Variants in NALF1 observed in about 807,000 individuals in gnomAD.
NALF1 encodes NALCN channel auxiliary factor 1.
A neutral mutation model predicts 48.4 loss-of-function variants in NALF1; 3 were observed. That is an observed-to-expected ratio of 0.06 (90% CI 0.03 to 0.16). The LOEUF (loss-of-function observed/expected upper bound fraction) is 0.16. Ranked by LOEUF, NALF1 falls within the 10% of genes least tolerant of loss-of-function variation. The pLI is 1.00. For synonymous variants in NALF1, 262 were observed against 245.7 expected, an observed-to-expected ratio of 1.07 and a Z score of -0.62; for missense variants, 526 against 571.5, an observed-to-expected ratio of 0.92 and a Z score of 0.81.
At chr13:107,535,017 T>C (rs1489413964) in intron 1 of NALF1, among the ~76,000 whole-genome samples, 4 of 152,172 alleles carry the variant, frequency 2.6e-5, no homozygotes, top group Non-Finnish European at 5.9e-5. Context: ...ATGCTTGTGA[T>C]TTTTGCACAT....
At chr13:107,402,883 G>A (rs1005826503) in intron 1 of NALF1, among the ~76,000 whole-genome samples, 5 of 152,116 alleles carry the variant, frequency 3.3e-5, no homozygotes, top group African/African-American at 1.2e-4. Flanking sequence ...GATAATCAAT[G>A]ACTTTTAGGA....
intron 1 of NALF1, among the ~76,000 whole-genome samples, chr13:107,586,635 A>ATATTTTTTTTTTTTT (rs1878464742): frequency 1.1e-5 from 1 of 93,122 alleles, no homozygotes; most frequent in Non-Finnish European, 2.0e-5. Flanking sequence ...CCCTATGGAG[A>ATATTTTTTTTTTTTT]TTTTTTTTTT....
At chr13:107,452,539 C>T (rs1162830086) in intron 1 of NALF1, among the ~76,000 whole-genome samples, 2 of 152,130 alleles carry the variant, frequency 1.3e-5, no homozygotes, top group African/African-American at 2.4e-5. Flanking sequence ...GATTAAATTA[C>T]CTCCACCTGG....
chr13:107,531,162 G>A lies in NALF1; in HGVS notation c.916-320407C>T, dbSNP rs191009248. The A allele has an allele frequency of 5.4e-4, 90 of 167,656 alleles. 1 individual carries two copies. The South Asian group carries it at 9.6e-3, about 18-fold the overall frequency. 10.4% of individuals were successfully genotyped at this position (167,656 alleles called of 1,614,324 possible). ...AAGTTCTTGACCACTGATGGAGTCC[G>A]GATATTTGTCCTCATCCAAATCTCA... On this transcript the variant is annotated intron_variant, in intron 1 of 2. Transcript: ENST00000375915.
intron 1 of NALF1, among the ~76,000 whole-genome samples, chr13:107,304,451 T>C (rs2138896327): frequency 6.6e-6 from 1 of 152,322 alleles, no homozygotes; most frequent in East Asian, 1.9e-4. Flanking sequence ...AGAACTTGGA[T>C]GTGTTATCTC....
intron 1 of NALF1, among the ~76,000 whole-genome samples, chr13:107,610,670 T>A (rs1879201114): frequency 6.6e-6 from 1 of 152,150 alleles, no homozygotes; most frequent in Non-Finnish European, 1.5e-5. Flanking sequence ...TTAAGTTATA[T>A]GAAAATACTT....
chr13:107,741,166 G>A (rs1452129544), intron 1 of NALF1, among the ~76,000 whole-genome samples: 1 of 152,114 alleles, frequency 6.6e-6, no homozygotes, highest in Non-Finnish European at 1.5e-5. Flanking sequence ...CAGCACATTT[G>A]ACATAAAATT....
rs1294190400 is a variant in NALF1, at chr13:107,866,801, C to G, written c.-205G>C. 2 of 584,188 alleles carry G rather than the reference C, an allele frequency of 3.4e-6. No individual in the cohort carries two copies. Among genetic ancestry groups the G allele is most frequent in the African/African-American group, 3.8e-5 (2 of 53,186 alleles). 36.2% of individuals were successfully genotyped at this position (584,188 alleles called of 1,614,324 possible). On this transcript the variant is annotated 5_prime_UTR_variant, in exon 1 of 3. Transcript: ENST00000375915. This position sits in a 1 kb window ranked among gnomAD's most constrained non-coding sequence, Gnocchi z 4.4. The stretch of plus-strand genomic sequence containing the variant: ...CCCTCTCTTTTATCTCTCTCTGTCT[C>G]TTTTGCCTACATAAATATTACCAGG...
chr13:107,220,504 T>C (rs1373478130), intron 1 of NALF1, among the ~76,000 whole-genome samples: 1 of 152,206 alleles, frequency 6.6e-6, no homozygotes, highest in African/African-American at 2.4e-5. Flanking sequence ...CCTGTTACCA[T>C]GAAACAGAGG....
chr13:107,643,699 T>C (rs892656576), intron 1 of NALF1, among the ~76,000 whole-genome samples: 2 of 152,138 alleles, frequency 1.3e-5, no homozygotes, highest in African/African-American at 2.4e-5. Flanking sequence ...CTTTTTATGA[T>C]GAGAAAAAAT....
chr13:107,483,342 T>C lies in NALF1; in HGVS notation c.916-272587A>G, dbSNP rs1032797455. 2.0e-5 allele frequency among the ~76,000 whole-genome samples: 3 copies of C among 152,168 alleles called. 1 individual carries two copies. Among genetic ancestry groups the C allele is most frequent in the African/African-American group, 7.2e-5 (3 of 41,454 alleles). On this transcript the variant is annotated intron_variant, in intron 1 of 2. Transcript: ENST00000375915. ...TCTGAAAACTAGAAGTATAATAAAG[T>C]CAATGGCTTGTCACATTTTAATTGT...
intron 1 of NALF1, among the ~76,000 whole-genome samples, chr13:107,240,096 G>T (rs1880436142): frequency 6.6e-6 from 1 of 152,170 alleles, no homozygotes; most frequent in African/African-American, 2.4e-5. Flanking sequence ...TGTGTTATGG[G>T]CTGGATTGTA....
chr13:107,823,487 C>T (rs892151742), intron 1 of NALF1, among the ~76,000 whole-genome samples: 1 of 152,160 alleles, frequency 6.6e-6, no homozygotes, highest in African/African-American at 2.4e-5. Context: ...GCCAAGAACC[C>T]ATGTCTGGAT....
chr13:107,774,593 G>C (rs1877670748), intron 1 of NALF1, among the ~76,000 whole-genome samples: 1 of 152,058 alleles, frequency 6.6e-6, no homozygotes, highest in Non-Finnish European at 1.5e-5. Context: ...ATATAACTTT[G>C]GTTACTACAT....
chr13:107,233,317 C>T (rs1041159511), intron 1 of NALF1, among the ~76,000 whole-genome samples: 1 of 152,096 alleles, frequency 6.6e-6, no homozygotes, highest in Non-Finnish European at 1.5e-5. Context: ...ACCAAAGGAC[C>T]ATAGCAAGGC....
At chr13:107,277,794 T>A (rs1176536335) in intron 1 of NALF1, among the ~76,000 whole-genome samples, 1 of 152,196 alleles carries the variant, frequency 6.6e-6, no homozygotes, top group Non-Finnish European at 1.5e-5. Context: ...AGGAAATGAT[T>A]CTAACCTATA....
At chr13:107,859,985 TAC>T (rs1880528249) in intron 1 of NALF1, among the ~76,000 whole-genome samples, 1 of 151,808 alleles carries the variant, frequency 6.6e-6, no homozygotes, top group African/African-American at 2.4e-5. Flanking sequence ...CTATGTAGCT[TAC>T]AATGATGCTT....
rs71121541 is a variant in NALF1, at chr13:107,659,114, GACAC to G, written c.915+206564_915+206567del. On this transcript the variant is annotated intron_variant, in intron 1 of 2. Transcript: ENST00000375915. ...GCCAGCACTGACACACTGACACACA[GACAC>G]ACACACACACACACACACACACACA... is the stretch of plus-strand genomic sequence containing the variant. Among the ~76,000 whole-genome samples, 1,137 of 145,886 alleles carry G rather than the reference GACAC, an allele frequency of 7.8e-3. 17 individuals are homozygous for G. The highest frequency in any genetic ancestry group is 0.023 in the African/African-American group (915 of 39,708).
chr13:107,163,955 C>T lies in NALF1; in HGVS notation c.*6542G>A, dbSNP rs547687625. ...CGTCCATATAGAGCTTTAACTTTTG[C>T]TGTAGTTTATATTTCCTATTGTTTT... On this transcript the variant is annotated 3_prime_UTR_variant, in exon 3 of 3. Coordinates refer to ENST00000375915, the MANE Select transcript of NALF1 (RefSeq NM_001080396.3). 8 of 152,298 alleles carry T rather than the reference C, an allele frequency of 5.3e-5. No individual in the cohort carries two copies. In the East Asian group the frequency reaches 1.5e-3, roughly 29 times the overall value. 9.4% of individuals were successfully genotyped at this position (152,298 alleles called of 1,614,324 possible). A position where few individuals can be genotyped will look rare whatever the true frequency, so the allele number is the denominator to read the frequency against.
Sources: gnomAD v4.1 joint callset for allele counts (sites outside exome capture counted in the v4.1 genomes callset) on GRCh38, gnomAD v4.1.1 for gene constraint, Gnocchi (gnomAD v3.1) non-coding constraint, MANE v1.5 for transcripts, NCBI Gene and HGNC (gene_info 2026-07-23, HGNC 2026-07-21) for gene names.